The following THAP1 variants were observed in gnomAD, a reference collection of about 807,000 sequenced individuals.
The protein encoded by THAP1 is THAP domain containing 1.
Under a neutral mutation model 18.2 loss-of-function variants are expected in THAP1, and 6 were observed. The observed-to-expected ratio is 0.33, with a 90% CI of 0.18 to 0.65. The LOEUF (loss-of-function observed/expected upper bound fraction) is 0.65. THAP1 is among the 30% of genes least tolerant of loss of function. The pLI, the probability that THAP1 is intolerant of heterozygous loss-of-function variation, is 0.74. For synonymous variants in THAP1, 85 were observed against 90.5 expected (o/e 0.94, Z 0.34); for missense variants, 176 against 253.0 (o/e 0.70, Z 2.06).
chr8:42,841,431 G>A (rs1165680248), intron 1 of THAP1, among the ~76,000 whole-genome samples: 3 of 150,628 alleles, frequency 2.0e-5, no homozygotes, highest in African/African-American at 7.4e-5. Flanking sequence ...CTCCCAAGTA[G>A]CTAAGATTAC....
chr8:42,843,001 C>G (rs745439069), intron 1 of THAP1, 23 bp downstream of exon 1: 1 of 1,603,136 alleles, frequency 6.2e-7, no homozygotes, highest in Non-Finnish European at 8.5e-7. Flanking sequence ...AGACCGGCCC[C>G]GCGAGGCGCG....
Position 42,843,127 on chromosome 8 carries a change from C to T in THAP1, c.-33G>A, listed in dbSNP as rs777248739. The T allele has an allele frequency of 3.1e-6, 5 of 1,612,596 alleles. No homozygotes were observed. Among genetic ancestry groups the T allele is most frequent in the South Asian group, 1.1e-5 (1 of 91,074 alleles). On this transcript the variant is annotated 5_prime_UTR_variant, in exon 1 of 3. Coordinates refer to ENST00000254250, the MANE Select transcript of THAP1 (RefSeq NM_018105.3). Reference sequence around the variant, plus strand: ...GTCCTCAGGCACTTCACTTCTGCCGCCGCAGAAGGCAGGGGAAGCTGTTCT... The same window carrying T: ...GTCCTCAGGCACTTCACTTCTGCCGTCGCAGAAGGCAGGGGAAGCTGTTCT...
At chr8:42,841,032 G>A (rs1285463846) in intron 1 of THAP1, among the ~76,000 whole-genome samples, 5 of 151,424 alleles carry the variant, frequency 3.3e-5, no homozygotes, top group African/African-American at 4.8e-5. Context: ...TATAAACTAG[G>A]GTAGCATTTG....
chr8:42,842,888 G>A, intron 1 of THAP1, 136 bp downstream of exon 1: 2 of 662,562 alleles, frequency 3.0e-6, no homozygotes, highest in East Asian at 7.0e-5. Flanking sequence ...GACGCGGTGG[G>A]AAACGCCCGA....
At chr8:42,840,861 G>T (rs369849030) in intron 1 of THAP1, among the ~76,000 whole-genome samples, 2 of 151,810 alleles carry the variant, frequency 1.3e-5, no homozygotes, top group Non-Finnish European at 2.9e-5. Context: ...CAGCTACTTG[G>T]GAGGCTGAGG....
chr8:42,840,828 G>A (rs1324368047), intron 1 of THAP1, among the ~76,000 whole-genome samples: 2 of 151,996 alleles, frequency 1.3e-5, no homozygotes, highest in South Asian at 2.1e-4. Flanking sequence ...TTAGCTGGGC[G>A]TGGTGGTGCA....
chr8:42,838,785 AAC>A (rs1802662957), intron 2 of THAP1, among the ~76,000 whole-genome samples: 1 of 152,242 alleles, frequency 6.6e-6, no homozygotes, highest in Non-Finnish European at 1.5e-5. Context: ...AAAATGAGAA[AAC>A]AGTTTCAGTT....
rs1265707601 is a variant in THAP1, at chr8:42,838,202, G to A, written c.402C>T (p.Asp134=). 1.2e-6 allele frequency: 2 copies of A among 1,614,032 alleles called. No individual in the cohort carries two copies. Among genetic ancestry groups the A allele is most frequent in the East Asian group, 2.2e-5 (1 of 44,900 alleles). The part of the protein sequence containing the change: ...QTPVNLSVFC[D]HNYTVEDTMH... ...TTGTATCCTCCACAGTATAGTTGTG[G>A]TCACAGAAAACTGAGAGATTAACAG... The change falls in exon 3 of 3, where the codon GAC becomes GAT. Residue 134 remains aspartate, a synonymous_variant. Coordinates refer to ENST00000254250, the MANE Select transcript of THAP1 (RefSeq NM_018105.3).
In THAP1 at chr8:42,838,374, CTAAAA is replaced by C; in HGVS notation, c.268-43_268-39del. On this transcript the variant is annotated intron_variant, in intron 2 of 2. Coordinates refer to ENST00000254250, the MANE Select transcript of THAP1 (RefSeq NM_018105.3). ...TACAAAGTATGTTTGAATTTAGTAA[CTAAAA>C]ACAGTTTAAAAGAATCTGTGGACTG... The C allele has an allele frequency of 3.1e-6, 5 of 1,608,974 alleles. No individual in the cohort carries two copies. In the South Asian group the frequency reaches 5.5e-5, roughly 18 times the overall value.
chr8:42,839,995 G>A (rs1006063298), intron 1 of THAP1, among the ~76,000 whole-genome samples: 2 of 152,118 alleles, frequency 1.3e-5, no homozygotes, highest in Admixed American at 6.6e-5. Context: ...CCAAGAGTTC[G>A]AGACTAGCCT....
intron 1 of THAP1, among the ~76,000 whole-genome samples, chr8:42,841,691 A>T (rs2128919028): frequency 6.6e-6 from 1 of 152,194 alleles, no homozygotes; most frequent in African/African-American, 2.4e-5. Context: ...AAGCCATCAG[A>T]AATGTGGGTG....
chr8:42,839,376 G>C lies in THAP1; in HGVS notation c.77C>G (p.Pro26Arg). The C allele has an allele frequency of 6.2e-7, 1 of 1,613,832 alleles. No individual in the cohort carries two copies. The highest frequency in any genetic ancestry group is 8.5e-7 in the Non-Finnish European group (1 of 1,179,988). Residue 26 changes from proline to arginine, a missense_variant, in exon 2 of 3, where the codon CCT becomes CGT. Pro to Arg is a moderately radical substitution (Grantham distance 103). Coordinates refer to ENST00000254250, the MANE Select transcript of THAP1 (RefSeq NM_018105.3). ...KDKPVSFHKFPLTRPSLCKEW... is the reference protein window; with the variant it reads ...KDKPVSFHKFRLTRPSLCKEW... Reference sequence around the variant, plus strand: ...TTTACAAAGACTGGGTCGAGTAAGAGGAAACCTAAGAAGAAGGCATAATTC... The same window carrying C: ...TTTACAAAGACTGGGTCGAGTAAGACGAAACCTAAGAAGAAGGCATAATTC...
rs1419073942 is a variant in THAP1 at position 42,837,802 on chromosome 8, T to A, written c.*160A>T. On this transcript the variant is annotated 3_prime_UTR_variant, in exon 3 of 3. Transcript: ENST00000254250. ...AAACCTGAAATTACAAACAAAAAAA[T>A]TTATAATTTTACAGTATATATAGAA... 4.5e-6 allele frequency: 3 copies of A among 663,762 alleles called. No homozygotes were observed. Among genetic ancestry groups the A allele is most frequent in the South Asian group, 6.5e-5 (1 of 15,454 alleles). The allele number at this position is 663,762 out of a possible 1,614,324, so 41.1% of individuals were successfully genotyped here.
intron 1 of THAP1, 70 bp from the exon 2 acceptor site, chr8:42,839,451 G>C (rs1260903983): frequency 3.3e-6 from 5 of 1,502,768 alleles, no homozygotes; most frequent in Non-Finnish European, 3.7e-6. Flanking sequence ...AAACTTTCCA[G>C]CTTAGGAAAT....
intron 1 of THAP1, among the ~76,000 whole-genome samples, chr8:42,841,009 C>T (rs1015773536): frequency 2.7e-5 from 4 of 148,038 alleles, no homozygotes; most frequent in African/African-American, 7.5e-5. Flanking sequence ...TCAACTGGAA[C>T]GGCCTCTATA....
At chr8:42,839,983 G>A (rs1264125766) in intron 1 of THAP1, among the ~76,000 whole-genome samples, 1 of 152,110 alleles carries the variant, frequency 6.6e-6, no homozygotes, top group Non-Finnish European at 1.5e-5. Flanking sequence ...GACTACTTAA[G>A]TCCAAGAGTT....
intron 1 of THAP1, among the ~76,000 whole-genome samples, chr8:42,841,559 G>A (rs538295567): frequency 3.3e-4 from 50 of 152,210 alleles, no homozygotes; most frequent in African/African-American, 1.2e-3. Context: ...CAAGTGCTGG[G>A]AATTACAGGC....
In THAP1 at chr8:42,839,161, C is replaced by A. The variant is rs780201146; in HGVS notation, c.267+25G>T. 13 of 1,612,776 alleles carry A rather than the reference C, an allele frequency of 8.1e-6. No homozygotes were observed. The African/African-American group carries it at 1.3e-4, about 17-fold the overall frequency. On this transcript the variant is annotated intron_variant, in intron 2 of 2. Transcript: ENST00000254250. Reference sequence around the variant, plus strand: ...CATCAGTTTGATAAACAAAAAGCAACCCAATATTTTAAAATGCATATTACC... The same window carrying A: ...CATCAGTTTGATAAACAAAAAGCAAACCAATATTTTAAAATGCATATTACC...
chr8:42,838,674 C>CT lies in THAP1; in HGVS notation c.268-339dup, dbSNP rs1802661055. ...TGCACTCCAGCCTGGGCAACAAAGA[C>CT]TTTGTCTCCAAAAAATAAATAAATA... On this transcript the variant is annotated intron_variant, in intron 2 of 2. Coordinates refer to ENST00000254250, the MANE Select transcript of THAP1 (RefSeq NM_018105.3). Among the ~76,000 whole-genome samples, 3 of 151,968 alleles carry CT rather than the reference C, an allele frequency of 2.0e-5. No homozygotes were observed. The South Asian group carries it at 6.2e-4, about 31-fold the overall frequency.
Sources: allele counts gnomAD v4.1 joint callset (sites outside exome capture counted in the v4.1 genomes callset), GRCh38; gene constraint gnomAD v4.1.1; transcripts MANE v1.5; gene names NCBI Gene and HGNC (gene_info 2026-07-23, HGNC 2026-07-21).